ARHGAP24: variants seen among roughly 807,000 people sequenced by gnomAD.
The protein encoded by ARHGAP24 is rho GTPase-activating protein 24.
ARHGAP24 carries 50 observed loss-of-function variants against 76.4 expected under a neutral mutation model. The ratio of observed to expected loss-of-function variants is 0.65; its 90% CI spans 0.52 to 0.83. The LOEUF (loss-of-function observed/expected upper bound fraction) is 0.83. Ranked by LOEUF, ARHGAP24 falls within the 40% of genes least tolerant of loss-of-function variation. The pLI, the probability that ARHGAP24 is intolerant of heterozygous loss-of-function variation, is 0.00. For missense variants in ARHGAP24, 930 were observed against 914.2 expected, an observed-to-expected ratio of 1.02 and a Z score of -0.22; for synonymous variants, 345 against 323.3, an observed-to-expected ratio of 1.07 and a Z score of -0.72.
intron 2 of ARHGAP24, among the ~76,000 whole-genome samples, chr4:85,578,209 C>T (rs1727466196): frequency 6.6e-6 from 1 of 152,056 alleles, no homozygotes; most frequent in African/African-American, 2.4e-5. Flanking sequence ...TTATCTAGTC[C>T]CTGGAAAAAT....
intron 5 of ARHGAP24, among the ~76,000 whole-genome samples, chr4:85,952,480 T>C (rs1737669174): frequency 6.6e-6 from 1 of 152,196 alleles, no homozygotes; most frequent in African/African-American, 2.4e-5. Flanking sequence ...TATTTCACAT[T>C]TGAATGAGAA....
intron 3 of ARHGAP24, among the ~76,000 whole-genome samples, chr4:85,815,217 G>A (rs1439128765): frequency 1.3e-5 from 2 of 150,932 alleles, no homozygotes; most frequent in Non-Finnish European, 3.0e-5. Context: ...ACATAACTTG[G>A]AGACATTTTC....
chr4:85,518,745 GT>G (rs1724619532), intron 1 of ARHGAP24, among the ~76,000 whole-genome samples: 1 of 152,022 alleles, frequency 6.6e-6, no homozygotes, highest in Non-Finnish European at 1.5e-5. Flanking sequence ...ATTTACCACA[GT>G]TTCTTTATCC....
intron 5 of ARHGAP24, among the ~76,000 whole-genome samples, chr4:85,946,257 T>G (rs772999966): frequency 6.6e-6 from 1 of 152,214 alleles, no homozygotes; most frequent in Non-Finnish European, 1.5e-5. Flanking sequence ...CCATATCATA[T>G]TCCCTCATTT....
chr4:85,785,470 TTTG>T lies in ARHGAP24; in HGVS notation c.268+63513_268+63515del, dbSNP rs529942681. ...GATAAAATCATCTCCTTGTTCTGTT[TTTG>T]TTGTTGTTGTTGTTATTTTGTTTTG... On this transcript the variant is annotated intron_variant, in intron 3 of 9. Transcript: ENST00000395184. 2.3e-3 allele frequency among the ~76,000 whole-genome samples: 345 copies of T among 152,280 alleles called. 3 individuals carry two copies. Among genetic ancestry groups the T allele is most frequent in the African/African-American group, 6.9e-3 (286 of 41,554 alleles).
chr4:85,902,878 A>G (rs1178957754), intron 3 of ARHGAP24, among the ~76,000 whole-genome samples: 23 of 152,384 alleles, frequency 1.5e-4, no homozygotes, highest in Admixed American at 5.9e-4. Flanking sequence ...TGCTGGGATT[A>G]CTGGCGTGAG....
intron 1 of ARHGAP24, among the ~76,000 whole-genome samples, chr4:85,516,770 T>C (rs75861251): frequency 0.05 from 7,557 of 152,124 alleles, 640 homozygotes; most frequent in African/African-American, 0.17. Context: ...CATACAGAAG[T>C]TTCTGCCTCC....
At chr4:85,774,100 G>A (rs866425934) in intron 3 of ARHGAP24, among the ~76,000 whole-genome samples, 3 of 152,168 alleles carry the variant, frequency 2.0e-5, no homozygotes, top group African/African-American at 7.2e-5. Context: ...TCCTAACAAA[G>A]AATCACCCTC....
At chr4:85,680,779 T>C (rs1723175779) in intron 2 of ARHGAP24, among the ~76,000 whole-genome samples, 1 of 148,498 alleles carries the variant, frequency 6.7e-6, no homozygotes, top group South Asian at 2.1e-4. Context: ...TAAATATATA[T>C]AATATTATAA....
chr4:85,787,885 C>T (rs1239200887), intron 3 of ARHGAP24, among the ~76,000 whole-genome samples: 1 of 152,154 alleles, frequency 6.6e-6, no homozygotes, highest in Non-Finnish European at 1.5e-5. Context: ...TAGATCACTT[C>T]CCATGTAAAG....
intron 8 of ARHGAP24, among the ~76,000 whole-genome samples, chr4:85,985,587 T>A (rs1300742808): frequency 6.6e-6 from 1 of 152,084 alleles, no homozygotes; most frequent in Admixed American, 6.5e-5. Context: ...TGACACAAGT[T>A]TACCTGTGTA....
chr4:85,535,908 CT>C (rs1725450342), intron 1 of ARHGAP24, among the ~76,000 whole-genome samples: 1 of 152,094 alleles, frequency 6.6e-6, no homozygotes, highest in African/African-American at 2.4e-5. Flanking sequence ...TGAAGCTCTT[CT>C]GAATGTCAAA....
intron 2 of ARHGAP24, among the ~76,000 whole-genome samples, chr4:85,602,583 G>A (rs990144229): frequency 6.6e-6 from 1 of 152,002 alleles, no homozygotes; most frequent in Admixed American, 6.6e-5. Flanking sequence ...TTAAACTCAG[G>A]TAATTCATAT....
intron 1 of ARHGAP24, among the ~76,000 whole-genome samples, chr4:85,538,322 A>G (rs1725550244): frequency 6.6e-6 from 1 of 152,212 alleles, no homozygotes; most frequent in Non-Finnish European, 1.5e-5. Context: ...TATTTTGAGT[A>G]CACCGTAGTT....
intron 1 of ARHGAP24, among the ~76,000 whole-genome samples, chr4:85,501,570 T>C (rs1269360290): frequency 6.6e-6 from 1 of 152,052 alleles, no homozygotes; most frequent in East Asian, 1.9e-4. Context: ...TTTGATGGGG[T>C]TGTTTTTTTC....
At chr4:85,771,238 T>C (rs533500296) in intron 3 of ARHGAP24, among the ~76,000 whole-genome samples, 7 of 152,222 alleles carry the variant, frequency 4.6e-5, no homozygotes, top group Non-Finnish European at 1.0e-4. Flanking sequence ...TGAACTTCTG[T>C]AGGCTGAAAG....
At chr4:85,608,681 C>A (rs1399953571) in intron 2 of ARHGAP24, among the ~76,000 whole-genome samples, 2 of 150,388 alleles carry the variant, frequency 1.3e-5, no homozygotes, top group African/African-American at 4.9e-5. Flanking sequence ...CCTCAGCCTC[C>A]TGAGTAGCAG....
chr4:85,935,377 T>C (rs1736572810), intron 4 of ARHGAP24, among the ~76,000 whole-genome samples: 1 of 152,148 alleles, frequency 6.6e-6, no homozygotes, highest in South Asian at 2.1e-4. Context: ...ATCTATTAAG[T>C]TGTAGGTGCC....
At chr4:85,632,374 A>T (rs760111849) in intron 2 of ARHGAP24, among the ~76,000 whole-genome samples, 7 of 151,988 alleles carry the variant, frequency 4.6e-5, no homozygotes, top group Non-Finnish European at 1.0e-4. Context: ...GAGAACTGGG[A>T]ACATGTGTTG....
Sources: allele counts gnomAD v4.1 joint callset (sites outside exome capture counted in the v4.1 genomes callset), GRCh38; gene constraint gnomAD v4.1.1; transcripts MANE v1.5; gene names NCBI Gene and HGNC (gene_info 2026-07-23, HGNC 2026-07-21).